VAV2: variants seen among roughly 807,000 people sequenced by gnomAD.
The protein encoded by VAV2 is guanine nucleotide exchange factor VAV2.
VAV2 carries 67 observed loss-of-function variants against 132.5 expected under a neutral mutation model. That is an observed-to-expected ratio of 0.51 (90% CI 0.42 to 0.62). The LOEUF (loss-of-function observed/expected upper bound fraction) is 0.62, where lower values mean the gene tolerates loss of function less well. Ranked by LOEUF, VAV2 falls within the 20% of genes least tolerant of loss-of-function variation. The pLI is 0.00. For synonymous variants in VAV2, 492 were observed against 443.5 expected, an observed-to-expected ratio of 1.11 and a Z score of -1.37; for missense variants, 938 against 1,153.6, an observed-to-expected ratio of 0.81 and a Z score of 2.71.
intron 23 of VAV2, among the ~76,000 whole-genome samples, chr9:133,776,754 G>A (rs968910050): frequency 4.6e-5 from 7 of 152,154 alleles, no homozygotes; most frequent in African/African-American, 1.4e-4. Context: ...GCACACAGGC[G>A]GACGGGACTG....
rs146049457 is a variant in VAV2, at chr9:133,863,793, C to G, written c.322-2361G>C. Among the ~76,000 whole-genome samples the G allele has an allele frequency of 8.3e-3, 1,266 of 152,334 alleles. 36 individuals are homozygous for G. Among genetic ancestry groups the G allele is most frequent in the Admixed American group, 0.053 (811 of 15,310 alleles). On this transcript the variant is annotated intron_variant, in intron 2 of 29. Coordinates refer to ENST00000371850, the MANE Select transcript of VAV2 (RefSeq NM_001134398.2). This position sits in a 1 kb window ranked among gnomAD's most constrained non-coding sequence, Gnocchi z 5.0. ...GAAGTCCACCACGGGGAACCACACT[C>G]CAGTGACCCAAAACCCAGGGCAGGG...
At chr9:133,941,715 T>A (rs1422075336) in intron 1 of VAV2, among the ~76,000 whole-genome samples, 1 of 151,758 alleles carries the variant, frequency 6.6e-6, no homozygotes, top group African/African-American at 2.4e-5. Context: ...CGAATTCTCC[T>A]GCCTGAGCCT....
intron 4 of VAV2, among the ~76,000 whole-genome samples, chr9:133,814,077 G>A (rs1376531074): frequency 6.6e-6 from 1 of 152,222 alleles, no homozygotes; most frequent in African/African-American, 2.4e-5. Context: ...CTGAAGCCGG[G>A]GTAAAGGCAG....
At chr9:133,974,693 C>CATTCACCCACT (rs1465228436) in intron 1 of VAV2, among the ~76,000 whole-genome samples, 30 of 152,118 alleles carry the variant, frequency 2.0e-4, no homozygotes, top group African/African-American at 7.0e-4. Flanking sequence ...CTCACTGTGC[C>CATTCACCCACT]ATTCACCCAC....
intron 3 of VAV2, among the ~76,000 whole-genome samples, chr9:133,847,187 T>C (rs115739330): frequency 0.014 from 2,147 of 152,284 alleles, 51 homozygotes; most frequent in African/African-American, 0.048. Flanking sequence ...GCTCCCAAAA[T>C]GCCAGATCCC....
At chr9:133,776,500 C>T (rs62576484) in intron 23 of VAV2, among the ~76,000 whole-genome samples, 1 of 152,150 alleles carries the variant, frequency 6.6e-6, no homozygotes, top group Non-Finnish European at 1.5e-5. Flanking sequence ...AGGTAGGGCT[C>T]CCTCCCTGGC....
At chr9:133,977,746 G>C (rs967700213) in intron 1 of VAV2, among the ~76,000 whole-genome samples, 3 of 152,224 alleles carry the variant, frequency 2.0e-5, no homozygotes, top group Admixed American at 6.5e-5. Flanking sequence ...GCCAACCACA[G>C]ACACGCCAGA....
intron 4 of VAV2, among the ~76,000 whole-genome samples, chr9:133,813,655 G>T (rs555767813): frequency 6.6e-6 from 1 of 152,238 alleles, no homozygotes; most frequent in African/African-American, 2.4e-5. Flanking sequence ...GCAGGCAGGC[G>T]GGCAAAGGAG....
rs1356738037 is a variant in VAV2 at position 133,939,097 on chromosome 9, G to A, written c.321+6C>T. 1.2e-6 allele frequency: 2 copies of A among 1,613,072 alleles called. No individual in the cohort carries two copies. Among genetic ancestry groups the A allele is most frequent in the Admixed American group, 3.3e-5 (2 of 60,032 alleles). On this transcript the variant is annotated splice_donor_region_variant and intron_variant, in intron 2 of 29. Transcript: ENST00000371850. ...GCGACCGAGGCTGGAGAGAGTGACT[G>A]CTCACCTTTCCAAAGTCTCGCACAT...
chr9:133,842,854 C>T (rs1836780330), intron 3 of VAV2, among the ~76,000 whole-genome samples: 1 of 152,186 alleles, frequency 6.6e-6, no homozygotes, highest in South Asian at 2.1e-4. Flanking sequence ...GCACTGTGTG[C>T]CGGGGAAACA....
chr9:133,822,183 ACT>A (rs1835815199), intron 4 of VAV2, among the ~76,000 whole-genome samples: 1 of 151,726 alleles, frequency 6.6e-6, no homozygotes, highest in Non-Finnish European at 1.5e-5. Flanking sequence ...AAACCAACAA[ACT>A]CTGCTTTCTG....
intron 2 of VAV2, among the ~76,000 whole-genome samples, chr9:133,932,731 T>C (rs1840731549): frequency 6.6e-6 from 1 of 152,086 alleles, no homozygotes; most frequent in African/African-American, 2.4e-5. Flanking sequence ...CTCACCCGCC[T>C]GCCTCCTCCA....
intron 4 of VAV2, among the ~76,000 whole-genome samples, chr9:133,821,089 C>T (rs1027832673): frequency 3.3e-5 from 5 of 152,200 alleles, no homozygotes; most frequent in African/African-American, 9.7e-5. Context: ...CTGGAATCTC[C>T]GTGGCACAAT....
chr9:133,833,584 C>T lies in VAV2; in HGVS notation c.449+688G>A, dbSNP rs1320358599. Among the ~76,000 whole-genome samples the T allele has an allele frequency of 6.6e-6, 1 of 152,158 alleles. No individual in the cohort carries two copies. Among genetic ancestry groups the T allele is most frequent in the African/African-American group, 2.4e-5 (1 of 41,450 alleles). ...GGATGCTCGGTCTCAGCCCAGGTCC[C>T]TCACCTGCAGGTGAGGCCCCTTCCT... On this transcript the variant is annotated intron_variant, in intron 4 of 29. Transcript: ENST00000371850. This position sits in a 1 kb window ranked among gnomAD's most constrained non-coding sequence, Gnocchi z 5.6.
chr9:133,779,409 C>T lies in VAV2; in HGVS notation c.1762+509G>A, dbSNP rs79557216. Among the ~76,000 whole-genome samples the T allele has an allele frequency of 1.3e-3, 200 of 152,150 alleles. 5 individuals are homozygous for T. The East Asian group carries it at 0.032, about 24-fold the overall frequency. ...CCCATGGCTCTCCCAGCCCAGCTCC[C>T]GCCTGGCCCAGCAGCAGCAGCAGCA... On this transcript the variant is annotated intron_variant, in intron 21 of 29. Coordinates refer to ENST00000371850, the MANE Select transcript of VAV2 (RefSeq NM_001134398.2).
intron 10 of VAV2, among the ~76,000 whole-genome samples, chr9:133,797,458 A>C (rs1834763592): frequency 6.6e-6 from 1 of 152,202 alleles, no homozygotes; most frequent in East Asian, 1.9e-4. Context: ...CAGCTGAGTC[A>C]GATTCAGTCC....
chr9:133,838,706 G>A (rs1207509196), intron 3 of VAV2, among the ~76,000 whole-genome samples: 1 of 149,764 alleles, frequency 6.7e-6, no homozygotes, highest in African/African-American at 2.5e-5. Context: ...TGGGTGGGTG[G>A]GTGGATTGAT....
intron 29 of VAV2, among the ~76,000 whole-genome samples, chr9:133,766,213 C>A (rs1588148088): frequency 6.6e-6 from 1 of 152,278 alleles, no homozygotes; most frequent in East Asian, 1.9e-4. Context: ...AATGGTATTT[C>A]TAGTTCTAGA....
intron 2 of VAV2, among the ~76,000 whole-genome samples, chr9:133,907,243 C>T (rs1019680182): frequency 2.0e-5 from 3 of 152,190 alleles, no homozygotes; most frequent in African/African-American, 4.8e-5. Context: ...TACAGACCAT[C>T]GAACCCAGCA....
Sources: gnomAD v4.1 joint callset for allele counts (sites outside exome capture counted in the v4.1 genomes callset) on GRCh38, gnomAD v4.1.1 for gene constraint, Gnocchi (gnomAD v3.1) non-coding constraint, MANE v1.5 for transcripts, NCBI Gene and HGNC (gene_info 2026-07-23, HGNC 2026-07-21) for gene names.